NXPE2: variants seen among roughly 807,000 people sequenced by gnomAD.
NXPE2 encodes neurexophilin and PC-esterase domain family member 2, also known as NXPE family member 2.
NXPE2 carries 34 observed loss-of-function variants against 34.4 expected under a neutral mutation model. The ratio of observed to expected loss-of-function variants is 0.99; its 90% CI spans 0.75 to 1.31. NXPE2 has a LOEUF of 1.31. NXPE2 is among the 40% of genes most tolerant of loss of function. The pLI, the probability that NXPE2 is intolerant of heterozygous loss-of-function variation, is 0.00. For synonymous variants in NXPE2, 235 were observed against 231.3 expected (o/e 1.02, Z -0.15); for missense variants, 649 against 672.5 (o/e 0.97, Z 0.39).
the NXPE2 span, among the ~76,000 whole-genome samples, chr11:114,655,404 C>T: frequency 5.3e-5 from 8 of 152,208 alleles, no homozygotes; most frequent in African/African-American, 7.2e-5. Context: ...TGGATCATGC[C>T]TGTGTCTTGA....
chr11:114,585,378 C>T, the NXPE2 span, among the ~76,000 whole-genome samples: 1 of 152,026 alleles, frequency 6.6e-6, no homozygotes, highest in Non-Finnish European at 1.5e-5. Context: ...TATCCTTCTG[C>T]AAGAGATTCA....
chr11:114,568,397 C>T, the NXPE2 span, among the ~76,000 whole-genome samples: 1 of 152,090 alleles, frequency 6.6e-6, no homozygotes, highest in African/African-American at 2.4e-5. Flanking sequence ...ATTCCTGGAG[C>T]TTCACAACCC....
chr11:114,765,527 G>C, the NXPE2 span, among the ~76,000 whole-genome samples: 13 of 152,178 alleles, frequency 8.5e-5, no homozygotes, highest in African/African-American at 3.1e-4. Context: ...CCAAAAAAAA[G>C]TGTAAGTTGC....
At chr11:114,579,752 G>A in the NXPE2 span, among the ~76,000 whole-genome samples, 12 of 152,216 alleles carry the variant, frequency 7.9e-5, no homozygotes, top group Non-Finnish European at 4.4e-5. Context: ...AGGAGGTAGA[G>A]AAGTCAGGTT....
chr11:114,583,480 G>A, the NXPE2 span: 3 of 649,384 alleles, frequency 4.6e-6, no homozygotes, highest in Admixed American at 5.5e-5. Flanking sequence ...TTAAATTCTT[G>A]TGCTCCATCT....
At chr11:114,710,891 A>G (rs1859598944), downstream of NXPE2, among the ~76,000 whole-genome samples, 1 of 152,188 alleles carries the variant, frequency 6.6e-6, no homozygotes, top group South Asian at 2.1e-4. Flanking sequence ...AGCATCATAT[A>G]CCATGACCAA....
chr11:114,719,431 T>C, the NXPE2 span, among the ~76,000 whole-genome samples: 1 of 152,240 alleles, frequency 6.6e-6, no homozygotes, highest in African/African-American at 2.4e-5. Context: ...GGCAGAGGAC[T>C]GGGTGCCACA....
At chr11:114,598,208 T>C in the NXPE2 span, among the ~76,000 whole-genome samples, 1 of 118,778 alleles carries the variant, frequency 8.4e-6, no homozygotes, top group African/African-American at 3.2e-5. Flanking sequence ...AATAATCTCC[T>C]TTGACCCCAT....
the NXPE2 span, chr11:114,582,683 T>G: frequency 6.2e-7 from 1 of 1,614,118 alleles, no homozygotes; most frequent in East Asian, 2.2e-5. Context: ...CCATCAGCGC[T>G]GGGGAAGACA....
At chr11:114,522,324 T>TG in the NXPE2 span, 5 of 1,614,028 alleles carry the variant, frequency 3.1e-6, no homozygotes, top group African/African-American at 6.7e-5. Flanking sequence ...GCTGTGTTTT[T>TG]GTCACCTGAT....
the NXPE2 span, among the ~76,000 whole-genome samples, chr11:114,589,877 T>G: frequency 6.6e-6 from 1 of 152,204 alleles, no homozygotes; most frequent in Non-Finnish European, 1.5e-5. Flanking sequence ...GAATGGAGAT[T>G]CATTAATGAG....
chr11:114,673,549 G>T (rs1308153481), upstream of NXPE2, among the ~76,000 whole-genome samples: 2 of 151,356 alleles, frequency 1.3e-5, no homozygotes, highest in Non-Finnish European at 3.0e-5. Flanking sequence ...CCTTTCAAAA[G>T]ACCAATAAAA....
rs752473088 is a variant in NXPE2 at position 114,679,685 on chromosome 11, G to T, written c.55G>T (p.Ala19Ser). 9 of 1,549,652 alleles carry T rather than the reference G, an allele frequency of 5.8e-6. No individual in the cohort carries two copies. The highest frequency in any genetic ancestry group is 7.9e-6 in the Non-Finnish European group (9 of 1,145,610). ...ACTCACTTTGTTTCCAAATGCCATA[G>T]CTCGAAAATTACTGCTGATGTTGAC... ...RILTLFPNAIARKLLLMLTFI... is the reference protein window; with the variant it reads ...RILTLFPNAISRKLLLMLTFI... Residue 19 changes from alanine (A) to serine (S), a missense_variant, in exon 2 of 6, where the codon GCT becomes TCT. Ala to Ser is a moderately conservative substitution (Grantham distance 99, BLOSUM62 1). Transcript: ENST00000389586.
chr11:114,783,733 G>T, the NXPE2 span, among the ~76,000 whole-genome samples: 75 of 152,224 alleles, frequency 4.9e-4, no homozygotes, highest in African/African-American at 1.7e-3. Context: ...TTCATCTTAG[G>T]CACTGTGGTG....
At chr11:114,524,878 A>G in the NXPE2 span, among the ~76,000 whole-genome samples, 2 of 152,212 alleles carry the variant, frequency 1.3e-5, no homozygotes, top group African/African-American at 4.8e-5. Flanking sequence ...GGGTAATAAT[A>G]TCAGGATTCT....
At chr11:114,561,530 G>A in the NXPE2 span, among the ~76,000 whole-genome samples, 1 of 152,160 alleles carries the variant, frequency 6.6e-6, no homozygotes, top group Non-Finnish European at 1.5e-5. Context: ...CTCTTTCAGA[G>A]GGGACCAGTA....
the NXPE2 span, chr11:114,530,458 G>T: frequency 6.2e-7 from 1 of 1,614,228 alleles, no homozygotes; most frequent in South Asian, 1.1e-5. Flanking sequence ...TCACTGGGGT[G>T]GATGAGCAGC....
the NXPE2 span, among the ~76,000 whole-genome samples, chr11:114,492,586 T>C: frequency 6.6e-6 from 1 of 151,738 alleles, no homozygotes; most frequent in Non-Finnish European, 1.5e-5. Flanking sequence ...TCGCCCAGGC[T>C]GGAGTGCAGT....
chr11:114,578,530 C>T, the NXPE2 span, among the ~76,000 whole-genome samples: 46 of 152,282 alleles, frequency 3.0e-4, no homozygotes, highest in African/African-American at 1.0e-3. Flanking sequence ...CAATTTAAAG[C>T]TCTTCCTTCC....
Sources: allele counts gnomAD v4.1 joint callset (sites outside exome capture counted in the v4.1 genomes callset), GRCh38; gene constraint gnomAD v4.1.1; transcripts MANE v1.5; gene names NCBI Gene and HGNC (gene_info 2026-07-23, HGNC 2026-07-21).